Variants in ATP8A2 observed in about 807,000 individuals in gnomAD.
ATP8A2 encodes the protein phospholipid-transporting ATPase IB.
Under a neutral mutation model 165.6 loss-of-function variants are expected in ATP8A2, and 100 were observed. The observed-to-expected ratio is 0.60, with a 90% CI of 0.51 to 0.71. The LOEUF (loss-of-function observed/expected upper bound fraction) is 0.71. Ranked by LOEUF, ATP8A2 falls within the 30% of genes least tolerant of loss-of-function variation. ATP8A2 has a pLI of 0.00. For missense variants in ATP8A2, 1,227 were observed against 1,479.5 expected, an observed-to-expected ratio of 0.83 and a Z score of 2.80; for synonymous variants, 543 against 548.8, an observed-to-expected ratio of 0.99 and a Z score of 0.15.
intron 24 of ATP8A2, among the ~76,000 whole-genome samples, chr13:25,596,075 T>C (rs909894073): frequency 6.6e-6 from 1 of 152,214 alleles, no homozygotes; most frequent in East Asian, 1.9e-4. Flanking sequence ...GTTCTCTTAG[T>C]CTGTCATAGA....
At chr13:25,508,935 G>GAGAC (rs2037135408) in intron 2 of ATP8A2, among the ~76,000 whole-genome samples, 1 of 152,178 alleles carries the variant, frequency 6.6e-6, no homozygotes, top group Non-Finnish European at 1.5e-5. Flanking sequence ...CTTCTGTTAG[G>GAGAC]AGACATGTTT....
chr13:25,796,658 T>G (rs1950504275), intron 27 of ATP8A2, among the ~76,000 whole-genome samples: 1 of 152,336 alleles, frequency 6.6e-6, no homozygotes, highest in Middle Eastern at 3.4e-3. Context: ...CACACTCACT[T>G]GAAATGGCCA....
At position 25,981,935 on chromosome 13, in the gene ATP8A2, G is replaced by A. The variant is rs138960412; in HGVS notation, c.3377+13256G>A. On this transcript the variant is annotated intron_variant, in intron 35 of 36. Transcript: ENST00000381655. ...ATTTTAAAGGTATAATTTAAGAGTT[G>A]TACATGTGCTCACTGAATTTACTGA... Among the ~76,000 whole-genome samples the A allele has an allele frequency of 2.2e-4, 34 of 152,258 alleles. No individual in the cohort carries two copies. In the East Asian group the frequency reaches 5.8e-3, roughly 26 times the overall value.
intron 27 of ATP8A2, among the ~76,000 whole-genome samples, chr13:25,818,844 T>C (rs528276405): frequency 4.6e-5 from 7 of 152,320 alleles, no homozygotes; most frequent in African/African-American, 1.7e-4. Flanking sequence ...ATCAATATAA[T>C]CTCTGAGCAC....
intron 1 of ATP8A2, among the ~76,000 whole-genome samples, chr13:25,404,126 G>C (rs2033724200): frequency 1.3e-5 from 2 of 152,174 alleles, no homozygotes; most frequent in Admixed American, 1.3e-4. Context: ...GCTTCAGCAG[G>C]GAAAGTAGAG....
chr13:25,602,945 G>A (rs1265010019), intron 24 of ATP8A2, among the ~76,000 whole-genome samples: 2 of 152,078 alleles, frequency 1.3e-5, no homozygotes, highest in Non-Finnish European at 2.9e-5. Flanking sequence ...GGGGGGGTGT[G>A]CCTGTAGTCC....
chr13:25,482,410 G>T (rs1156908713), intron 2 of ATP8A2, among the ~76,000 whole-genome samples: 1 of 152,120 alleles, frequency 6.6e-6, no homozygotes, highest in Non-Finnish European at 1.5e-5. Context: ...TAGAAGGACG[G>T]GGCAAAACTG....
At chr13:25,592,512 C>G (rs4625586) in intron 24 of ATP8A2, among the ~76,000 whole-genome samples, 110,256 of 152,150 alleles carry the variant, frequency 0.72, 40,956 homozygotes, top group Middle Eastern at 0.79. Context: ...AGCCAAAACA[C>G]CGCATCGGTG....
At chr13:25,740,583 G>A (rs1314419741) in intron 25 of ATP8A2, among the ~76,000 whole-genome samples, 1 of 152,180 alleles carries the variant, frequency 6.6e-6, no homozygotes, top group Non-Finnish European at 1.5e-5. Flanking sequence ...GATCCAACAA[G>A]GAGGAAGGAG....
rs1023705150 is a variant in ATP8A2, at chr13:25,806,651, G to GT, written c.2680-21461dup. Among the ~76,000 whole-genome samples, 11 of 152,168 alleles carry GT rather than the reference G, an allele frequency of 7.2e-5. No individual in the cohort carries two copies. The South Asian group carries it at 8.3e-4, about 11-fold the overall frequency. Reference sequence around the variant, plus strand: ...CACTGCTATGAACATCTGTATACAGGTTTTTTGTATAGAAATAGGTATTCA... The same window carrying GT: ...CACTGCTATGAACATCTGTATACAGGTTTTTTTGTATAGAAATAGGTATTCA... On this transcript the variant is annotated intron_variant, in intron 27 of 36. Transcript: ENST00000381655.
intron 33 of ATP8A2, among the ~76,000 whole-genome samples, chr13:25,883,771 C>T (rs1372891084): frequency 1.3e-5 from 2 of 152,322 alleles, no homozygotes; most frequent in East Asian, 1.9e-4. Context: ...AAAACCTCAC[C>T]ACCTCCCAGT....
At chr13:25,815,508 A>G (rs1167962264) in intron 27 of ATP8A2, among the ~76,000 whole-genome samples, 1 of 152,230 alleles carries the variant, frequency 6.6e-6, no homozygotes, top group African/African-American at 2.4e-5. Flanking sequence ...CATACCCATT[A>G]GGATGTCTAT....
At chr13:25,525,773 G>A (rs1047873870) in intron 2 of ATP8A2, among the ~76,000 whole-genome samples, 4 of 152,076 alleles carry the variant, frequency 2.6e-5, no homozygotes, top group Non-Finnish European at 5.9e-5. Context: ...ATTATTACAT[G>A]CCTTGGTGAA....
At chr13:25,976,086 TTTTTG>T (rs1014404156) in intron 35 of ATP8A2, among the ~76,000 whole-genome samples, 1 of 152,136 alleles carries the variant, frequency 6.6e-6, no homozygotes, top group African/African-American at 2.4e-5. Flanking sequence ...TTCTCTTGTT[TTTTTG>T]TTTTGTTTTG....
intron 24 of ATP8A2, among the ~76,000 whole-genome samples, chr13:25,596,574 A>G (rs2040241487): frequency 1.3e-5 from 2 of 152,142 alleles, no homozygotes; most frequent in Non-Finnish European, 2.9e-5. Flanking sequence ...TTTGATATTC[A>G]TCCATGTTGC....
At chr13:26,015,799 G>A (rs377328115) in intron 36 of ATP8A2, among the ~76,000 whole-genome samples, 30 of 152,314 alleles carry the variant, frequency 2.0e-4, no homozygotes, top group African/African-American at 6.7e-4. Flanking sequence ...GCTCCCTCCA[G>A]GCCCCCATCA....
At chr13:25,766,407 T>C (rs537476497) in intron 25 of ATP8A2, among the ~76,000 whole-genome samples, 104 of 152,330 alleles carry the variant, frequency 6.8e-4, no homozygotes, top group Middle Eastern at 3.4e-3. Context: ...AAATAATCCT[T>C]ATTTCCTCCA....
chr13:25,826,972 T>G (rs1169309435), intron 27 of ATP8A2, among the ~76,000 whole-genome samples: 1 of 151,592 alleles, frequency 6.6e-6, no homozygotes, highest in African/African-American at 2.4e-5. Flanking sequence ...TTTGCTTCCT[T>G]CTAAGTCAGG....
chr13:25,714,006 T>C (rs4770863), intron 25 of ATP8A2, among the ~76,000 whole-genome samples: 44,595 of 152,020 alleles, frequency 0.29, 7,960 homozygotes, highest in Middle Eastern at 0.41. Flanking sequence ...TTAAATTTAT[T>C]AGCTTCTCTA....
Sources: allele counts gnomAD v4.1 joint callset (sites outside exome capture counted in the v4.1 genomes callset), GRCh38; gene constraint gnomAD v4.1.1; transcripts MANE v1.5; gene names NCBI Gene and HGNC (gene_info 2026-07-23, HGNC 2026-07-21).